The following SOX6 variants were observed in gnomAD, a reference collection of about 807,000 sequenced individuals.
The protein encoded by SOX6 is transcription factor SOX-6.
Under a neutral mutation model 97.8 loss-of-function variants are expected in SOX6, and 11 were observed. The ratio of observed to expected loss-of-function variants is 0.11; its 90% confidence interval spans 0.07 to 0.19. The LOEUF is 0.19. Ranked by LOEUF, SOX6 falls within the 10% of genes least tolerant of loss-of-function variation. SOX6 has a pLI of 1.00. For synonymous variants in SOX6, 360 were observed against 371.4 expected, an observed-to-expected ratio of 0.97 and a Z score of 0.35; for missense variants, 810 against 1,039.5, an observed-to-expected ratio of 0.78 and a Z score of 3.04.
chr11:16,483,088 A>C (rs997645568), intron 4 of SOX6, among the ~76,000 whole-genome samples: 3 of 152,236 alleles, frequency 2.0e-5, no homozygotes, highest in Non-Finnish European at 4.4e-5. Context: ...CACCCTGTGA[A>C]AGGGTCTCAG....
intron 9 of SOX6, among the ~76,000 whole-genome samples, chr11:16,059,817 A>T (rs1847902549): frequency 6.6e-6 from 1 of 151,940 alleles, no homozygotes. Context: ...CTTCCTTTGA[A>T]ATTCAGCCAG....
intron 3 of SOX6, among the ~76,000 whole-genome samples, chr11:16,264,028 C>T (rs759825308): frequency 6.6e-6 from 1 of 151,830 alleles, no homozygotes; most frequent in Admixed American, 6.6e-5. Flanking sequence ...ACAGTTAAAT[C>T]CCTTTGTCTC....
chr11:16,618,598 A>G (rs1848500354), intron 3 of SOX6, among the ~76,000 whole-genome samples: 1 of 151,946 alleles, frequency 6.6e-6, no homozygotes, highest in Non-Finnish European at 1.5e-5. Flanking sequence ...GACAATTAAC[A>G]ATGAAAAACA....
chr11:16,512,330 G>A (rs191536781), intron 4 of SOX6, among the ~76,000 whole-genome samples: 29 of 152,228 alleles, frequency 1.9e-4, no homozygotes, highest in African/African-American at 5.5e-4. Flanking sequence ...ATCAGTTTAC[G>A]GTTTCAACAT....
chr11:16,530,858 G>A (rs1450935867), intron 4 of SOX6, among the ~76,000 whole-genome samples: 5 of 151,116 alleles, frequency 3.3e-5, no homozygotes, highest in East Asian at 3.9e-4. Context: ...AAGGTGCTTC[G>A]TTGTAAGCCA....
At chr11:16,317,146 C>T (rs1590119133) in intron 3 of SOX6, 1 of 151,764 alleles carries the variant, frequency 6.6e-6, no homozygotes, top group East Asian at 1.9e-4. Context: ...TCTTAAGTTT[C>T]ATAATTGAAA....
At chr11:16,163,894 A>G (rs1404764077) in intron 6 of SOX6, among the ~76,000 whole-genome samples, 1 of 152,234 alleles carries the variant, frequency 6.6e-6, no homozygotes, top group Non-Finnish European at 1.5e-5. Flanking sequence ...CCATGGAACC[A>G]GGGCTAGTTC....
At chr11:16,130,133 T>C (rs1849704806) in intron 6 of SOX6, among the ~76,000 whole-genome samples, 1 of 151,934 alleles carries the variant, frequency 6.6e-6, no homozygotes, top group Admixed American at 6.6e-5. Context: ...CAAAAATAAA[T>C]TGGCTTTCTA....
chr11:16,491,978 G>C (rs1362472191), intron 4 of SOX6, among the ~76,000 whole-genome samples: 1 of 152,082 alleles, frequency 6.6e-6, no homozygotes, highest in African/African-American at 2.4e-5. Flanking sequence ...AAAATGATTT[G>C]TATGTTTCTG....
At chr11:16,105,691 A>T (rs921602927) in intron 7 of SOX6, among the ~76,000 whole-genome samples, 3 of 152,170 alleles carry the variant, frequency 2.0e-5, no homozygotes, top group Admixed American at 6.6e-5. Flanking sequence ...TCAGTCTTGT[A>T]GTGGAAGTGC....
chr11:16,194,016 G>A (rs1480657525), intron 4 of SOX6, among the ~76,000 whole-genome samples: 4 of 152,118 alleles, frequency 2.6e-5, no homozygotes, highest in African/African-American at 9.7e-5. Context: ...TCTTTTAAAT[G>A]TCACAAAACA....
chr11:16,152,978 T>C (rs1422652669), intron 6 of SOX6, among the ~76,000 whole-genome samples: 4 of 152,160 alleles, frequency 2.6e-5, no homozygotes, highest in Non-Finnish European at 5.9e-5. Context: ...GAGATTCTCC[T>C]GCCTCAGCCT....
intron 3 of SOX6, among the ~76,000 whole-genome samples, chr11:16,266,987 C>T (rs1854100050): frequency 1.2e-5 from 1 of 81,286 alleles, no homozygotes; most frequent in Admixed American, 1.5e-4. Context: ...CTGGATAACC[C>T]GTATGTAAAA....
chr11:15,977,943 G>A (rs996837760), intron 15 of SOX6, among the ~76,000 whole-genome samples: 8 of 151,934 alleles, frequency 5.3e-5, no homozygotes, highest in Non-Finnish European at 1.0e-4. Flanking sequence ...CCACTGTCAC[G>A]TTGACTGGCC....
At chr11:16,656,382 T>C (rs374804317) in intron 3 of SOX6, among the ~76,000 whole-genome samples, 62 of 152,224 alleles carry the variant, frequency 4.1e-4, no homozygotes, top group African/African-American at 1.4e-3. Flanking sequence ...GGCCACATTT[T>C]AAAATTAGTA....
chr11:16,664,580 C>T (rs1423550260), intron 3 of SOX6, among the ~76,000 whole-genome samples: 1 of 152,172 alleles, frequency 6.6e-6, no homozygotes, highest in Non-Finnish European at 1.5e-5. Flanking sequence ...AGGCTAATGT[C>T]CTCTAGGGTC....
At position 16,569,868 on chromosome 11, in the gene SOX6, C is replaced by CAAAAAAAAAAAAAAA. The variant is rs34604334; in HGVS notation, n.609+42198_609+42212dup. Among the ~76,000 whole-genome samples, 67 of 84,776 alleles carry CAAAAAAAAAAAAAAA rather than the reference C, an allele frequency of 7.9e-4. 6 individuals carry two copies. The highest frequency in any genetic ancestry group is 3.8e-3 in the African/African-American group (61 of 16,084). The allele number at this position is 84,776 out of a possible 152,430, so 55.6% of individuals were successfully genotyped here. On this transcript the variant is annotated intron_variant and non_coding_transcript_variant, in intron 4 of 5. Transcript: ENST00000524520. ...TGGGTGACTGATCAAGACTCCGTCT[C>CAAAAAAAAAAAAAAA]AAAAAAAAAAAAAAAAAGATATACT...
chr11:16,374,441 C>T (rs1302036723), intron 1 of SOX6, among the ~76,000 whole-genome samples: 1 of 151,938 alleles, frequency 6.6e-6, no homozygotes, highest in Non-Finnish European at 1.5e-5. Context: ...AAAATGATGG[C>T]AATGTATTTC....
intron 4 of SOX6, among the ~76,000 whole-genome samples, chr11:16,533,440 A>T (rs1861263353): frequency 6.6e-6 from 1 of 151,998 alleles, no homozygotes; most frequent in African/African-American, 2.4e-5. Flanking sequence ...TCATATTCTG[A>T]AATTTGAATT....
Sources: allele counts gnomAD v4.1 joint callset (sites outside exome capture counted in the v4.1 genomes callset), GRCh38; gene constraint gnomAD v4.1.1; transcripts MANE v1.5; gene names NCBI Gene and HGNC (gene_info 2026-07-23, HGNC 2026-07-21).